Variants in THSD7B observed in about 807,000 individuals in gnomAD.
THSD7B encodes the protein thrombospondin type-1 domain-containing protein 7B.
Under a neutral mutation model 213.6 loss-of-function variants are expected in THSD7B, and 138 were observed. The ratio of observed to expected loss-of-function variants is 0.65; its 90% CI spans 0.56 to 0.74. THSD7B has a LOEUF of 0.74. Among genes scored for constraint, THSD7B ranks in the 30% least tolerant of loss-of-function variants. The probability of loss-of-function intolerance (pLI) is 0.00; values close to 1 mark genes in which losing one functional copy is unlikely to be tolerated. For synonymous variants in THSD7B, 742 were observed against 687.0 expected (o/e 1.08, Z -1.25); for missense variants, 1,931 against 1,991.5 (o/e 0.97, Z 0.58).
chr2:137,572,755 C>A (rs1427390074), intron 17 of THSD7B, among the ~76,000 whole-genome samples, 199 bp downstream of exon 17: 6 of 152,094 alleles, frequency 3.9e-5, no homozygotes, highest in Admixed American at 3.9e-4. Context: ...AAATGCCAGT[C>A]CTTCTTCCAG....
chr2:137,574,239 G>T (rs1681414748), intron 17 of THSD7B, among the ~76,000 whole-genome samples: 1 of 152,034 alleles, frequency 6.6e-6, no homozygotes. Context: ...AGTTGTGAAG[G>T]TTTAGCATTC....
chr2:137,085,817 C>A (rs57409853), intron 3 of THSD7B, among the ~76,000 whole-genome samples: 12,617 of 151,980 alleles, frequency 0.083, 744 homozygotes, highest in African/African-American at 0.16. Context: ...GGCATAAAAA[C>A]CACAAACTAT....
At chr2:137,412,569 C>G (rs1408476435) in intron 14 of THSD7B, among the ~76,000 whole-genome samples, 3 of 136,174 alleles carry the variant, frequency 2.2e-5, no homozygotes, top group African/African-American at 8.3e-5. Context: ...TACACTCTTT[C>G]CTGGGCAACG....
At chr2:136,871,197 C>T (rs1335666039) in intron 1 of THSD7B, among the ~76,000 whole-genome samples, 1 of 152,114 alleles carries the variant, frequency 6.6e-6, no homozygotes, top group African/African-American at 2.4e-5. Flanking sequence ...TGTGTGTGCC[C>T]ATCCAAATGC....
chr2:137,226,199 G>C (rs1353489960), intron 7 of THSD7B, among the ~76,000 whole-genome samples: 1 of 151,690 alleles, frequency 6.6e-6, no homozygotes, highest in Non-Finnish European at 1.5e-5. Context: ...GTTTTCCATA[G>C]TGTAATAGCA....
intron 9 of THSD7B, among the ~76,000 whole-genome samples, chr2:137,234,965 T>A (rs996382357): frequency 1.9e-4 from 29 of 152,298 alleles, no homozygotes; most frequent in Middle Eastern, 6.8e-3. Context: ...TCAACTTGTA[T>A]CAGTTGTATT....
chr2:137,067,290 C>T (rs115729739), intron 3 of THSD7B, among the ~76,000 whole-genome samples: 2,516 of 152,062 alleles, frequency 0.017, 70 homozygotes, highest in African/African-American at 0.057. Context: ...GCAAATGGAA[C>T]GGGGGTAATT....
chr2:136,800,728 G>A (rs1458183760), intron 1 of THSD7B, among the ~76,000 whole-genome samples: 1 of 151,844 alleles, frequency 6.6e-6, no homozygotes, highest in Non-Finnish European at 1.5e-5. Context: ...CATTTGGAAT[G>A]ATGGGTCAAG....
chr2:137,604,944 T>C (rs1330722163), intron 17 of THSD7B, among the ~76,000 whole-genome samples: 3 of 152,202 alleles, frequency 2.0e-5, no homozygotes, highest in Non-Finnish European at 2.9e-5. Context: ...ATTACTTTTT[T>C]GGTATGGTTG....
chr2:136,928,640 C>CA (rs1285969178), intron 2 of THSD7B, among the ~76,000 whole-genome samples: 3 of 152,068 alleles, frequency 2.0e-5, no homozygotes, highest in African/African-American at 7.2e-5. Context: ...CTGTATTTTA[C>CA]ATATAAATTT....
intron 2 of THSD7B, among the ~76,000 whole-genome samples, chr2:137,032,145 G>A (rs1429810232): frequency 6.6e-6 from 1 of 151,964 alleles, no homozygotes; most frequent in Non-Finnish European, 1.5e-5. Context: ...CCAACCCATG[G>A]CATGCTTTTC....
chr2:137,476,257 C>A (rs1426710730), intron 15 of THSD7B, among the ~76,000 whole-genome samples: 1 of 151,876 alleles, frequency 6.6e-6, no homozygotes, highest in African/African-American at 2.4e-5. Context: ...TATTTTTTAC[C>A]ATTCTGCAGG....
chr2:137,380,587 G>A (rs1316386862), intron 12 of THSD7B, among the ~76,000 whole-genome samples: 1 of 152,246 alleles, frequency 6.6e-6, no homozygotes, highest in African/African-American at 2.4e-5. Flanking sequence ...GCTTTGAAGA[G>A]GGAGGAAGGG....
chr2:137,324,804 G>C (rs1481951975), intron 12 of THSD7B, among the ~76,000 whole-genome samples: 3 of 152,204 alleles, frequency 2.0e-5, no homozygotes, highest in African/African-American at 7.2e-5. Context: ...GGATCAAGAA[G>C]ACAAATTAAA....
rs539841190 is a variant in THSD7B, at chr2:137,170,935, C to T, written c.1720C>T (p.Arg574Cys). 86 of 1,612,038 alleles carry T rather than the reference C, an allele frequency of 5.3e-5. 1 individual carries two copies. The highest frequency in any genetic ancestry group is 5.2e-4 in the South Asian group (47 of 90,952). ...RILKAVCQND[R>C]GEDVSGSLCP... Reference sequence around the variant, plus strand: ...TCTGAAGGCCGTCTGCCAGAATGACCGCGGTATGACCCAGTGACCCACTAG... The same window carrying T: ...TCTGAAGGCCGTCTGCCAGAATGACTGCGGTATGACCCAGTGACCCACTAG... Residue 574 changes from arginine (R) to cysteine (C), a missense_variant, in exon 7 of 28, where the codon CGC becomes TGC. Arg to Cys is a radical substitution (Grantham distance 180). Coordinates refer to ENST00000409968, the MANE Select transcript of THSD7B (RefSeq NM_001316349.2).
intron 3 of THSD7B, among the ~76,000 whole-genome samples, chr2:137,089,823 A>G (rs1447866109): frequency 1.3e-5 from 2 of 152,104 alleles, no homozygotes; most frequent in East Asian, 3.9e-4. Flanking sequence ...AGCCTGGCCA[A>G]CAGGGTGAAG....
At position 137,094,937 on chromosome 2, in the gene THSD7B, A is replaced by C; in HGVS notation, c.1015A>C (p.Thr339Pro). ...QSCIMPKDCETSQWSSWSPCS... is the reference protein window; with the variant it reads ...QSCIMPKDCEPSQWSSWSPCS... ...CTGCATCATGCCCAAAGACTGTGAA[A>C]CCTCCCAGTGGTCCTCCTGGAGCCC... The change falls in exon 4 of 28, where the codon ACC (threonine) becomes CCC (proline). Residue 339 changes from threonine to proline, a missense_variant. Physicochemically the swap from Thr to Pro is conservative, Grantham distance 38 (BLOSUM62 -1). Transcript: ENST00000409968. The C allele has an allele frequency of 6.2e-7, 1 of 1,612,786 alleles. No individual in the cohort carries two copies. The highest frequency in any genetic ancestry group is 8.5e-7 in the Non-Finnish European group (1 of 1,179,618).
At chr2:137,156,242 T>G (rs1251776154) in intron 5 of THSD7B, 1 of 152,184 alleles carries the variant, frequency 6.6e-6, no homozygotes, top group Non-Finnish European at 1.5e-5. Context: ...AAATTTAGCC[T>G]GGGGTGGGCT....
rs181220026 is a variant in THSD7B at position 137,284,500 on chromosome 2, A to G, written c.2500+8474A>G. Among the ~76,000 whole-genome samples, 733 of 152,076 alleles carry G rather than the reference A, an allele frequency of 4.8e-3. 3 individuals carry two copies. The highest frequency in any genetic ancestry group is 0.017 in the African/African-American group (694 of 41,522). ...CTTTTAATTGTGATGTTAGGGTGTC[A>G]ATTTTAGATCTTTCCTGCTTTCTCT... is the stretch of plus-strand genomic sequence containing the variant. On this transcript the variant is annotated intron_variant, in intron 12 of 27. Coordinates refer to ENST00000409968, the MANE Select transcript of THSD7B (RefSeq NM_001316349.2).
Sources: allele counts gnomAD v4.1 joint callset (sites outside exome capture counted in the v4.1 genomes callset), GRCh38; gene constraint gnomAD v4.1.1; transcripts MANE v1.5; gene names NCBI Gene and HGNC (gene_info 2026-07-23, HGNC 2026-07-21).